The following FSTL5 variants were observed in gnomAD, a reference collection of about 807,000 sequenced individuals.
FSTL5 encodes the protein follistatin like 5.
FSTL5 carries 62 observed loss-of-function variants against 89.1 expected under a neutral mutation model. The observed-to-expected ratio is 0.70, with a 90% CI of 0.57 to 0.86. FSTL5 has a LOEUF of 0.86. Among genes scored for constraint, FSTL5 ranks in the 40% least tolerant of loss-of-function variants. The pLI is 0.00. For synonymous variants in FSTL5, 383 were observed against 346.2 expected, an observed-to-expected ratio of 1.11 and a Z score of -1.18; for missense variants, 1,057 against 1,001.6, an observed-to-expected ratio of 1.06 and a Z score of -0.75.
intron 15 of FSTL5, among the ~76,000 whole-genome samples, chr4:161,415,705 G>A (rs768123299): frequency 6.8e-6 from 1 of 147,502 alleles, no homozygotes; most frequent in South Asian, 2.1e-4. Context: ...GAGAGAGAGA[G>A]AACATATATA....
chr4:161,687,397 T>C (rs962398483), intron 6 of FSTL5, among the ~76,000 whole-genome samples: 3 of 152,238 alleles, frequency 2.0e-5, no homozygotes, highest in Admixed American at 1.3e-4. Flanking sequence ...ATTACCCTTA[T>C]GCATATATTT....
intron 4 of FSTL5, among the ~76,000 whole-genome samples, chr4:161,848,037 A>AG (rs1491102661): frequency 4.1e-5 from 1 of 24,520 alleles, no homozygotes; most frequent in African/African-American, 9.3e-5. Context: ...ACTCCGTCTC[A>AG]AAAAAAAAAA....
At chr4:161,795,423 G>C (rs7682730) in intron 4 of FSTL5, among the ~76,000 whole-genome samples, 1 of 151,994 alleles carries the variant, frequency 6.6e-6, no homozygotes, top group East Asian at 1.9e-4. Context: ...AGGAAGGCCC[G>C]GAAGAACCCT....
At chr4:162,030,559 A>G (rs1737481292) in intron 3 of FSTL5, among the ~76,000 whole-genome samples, 1 of 152,150 alleles carries the variant, frequency 6.6e-6, no homozygotes, top group Non-Finnish European at 1.5e-5. Context: ...AAATTTTGCA[A>G]TAAAAGCAAC....
chr4:162,064,658 A>T (rs918633809), intron 2 of FSTL5, among the ~76,000 whole-genome samples: 2 of 152,016 alleles, frequency 1.3e-5, no homozygotes, highest in African/African-American at 4.8e-5. Flanking sequence ...TGCCAACAAC[A>T]GATCTTAGGG....
chr4:161,854,518 G>A (rs926365595), intron 4 of FSTL5, among the ~76,000 whole-genome samples: 11 of 152,132 alleles, frequency 7.2e-5, no homozygotes, highest in South Asian at 2.1e-4. Flanking sequence ...CAAAAGATGC[G>A]TTATTACATA....
chr4:161,875,127 T>C (rs1732401094), intron 4 of FSTL5, among the ~76,000 whole-genome samples: 1 of 152,184 alleles, frequency 6.6e-6, no homozygotes, highest in Admixed American at 6.5e-5. Context: ...TCAGATTCTC[T>C]TGTTTTAGTA....
At chr4:161,879,920 C>G (rs1560896387) in intron 4 of FSTL5, among the ~76,000 whole-genome samples, 1 of 152,182 alleles carries the variant, frequency 6.6e-6, no homozygotes. Context: ...ATGGGAGCAA[C>G]AGAATTTTTT....
At chr4:161,626,430 C>G (rs553146322) in intron 7 of FSTL5, among the ~76,000 whole-genome samples, 1 of 152,108 alleles carries the variant, frequency 6.6e-6, no homozygotes, top group South Asian at 2.1e-4. Context: ...CTGTTTAAAG[C>G]ATGGCTTACT....
chr4:161,512,235 T>C (rs1730675436), intron 10 of FSTL5, among the ~76,000 whole-genome samples: 1 of 152,070 alleles, frequency 6.6e-6, no homozygotes, highest in African/African-American at 2.4e-5. Context: ...TCCTTATATC[T>C]CCACCCACTT....
intron 6 of FSTL5, among the ~76,000 whole-genome samples, chr4:161,750,890 T>G (rs1250394008): frequency 6.6e-6 from 1 of 152,192 alleles, no homozygotes; most frequent in Non-Finnish European, 1.5e-5. Context: ...GATTGGTCAA[T>G]TCTCATTTTA....
At chr4:162,070,664 TA>T (rs765194387) in intron 2 of FSTL5, among the ~76,000 whole-genome samples, 5 of 151,692 alleles carry the variant, frequency 3.3e-5, no homozygotes, top group Non-Finnish European at 5.9e-5. Context: ...TGCCTGAAAA[TA>T]CAAATATAAG....
chr4:162,025,374 G>A (rs907440909), intron 3 of FSTL5, among the ~76,000 whole-genome samples: 2 of 152,080 alleles, frequency 1.3e-5, no homozygotes, highest in Non-Finnish European at 2.9e-5. Flanking sequence ...ACTCAAAAGG[G>A]TTATAGTTAA....
At chr4:161,563,146 A>T (rs979497056) in intron 8 of FSTL5, among the ~76,000 whole-genome samples, 1 of 151,938 alleles carries the variant, frequency 6.6e-6, no homozygotes, top group Admixed American at 6.6e-5. Context: ...GACTCACCCT[A>T]ACTGGAAACA....
chr4:162,158,775 T>C (rs1193591776), intron 1 of FSTL5, among the ~76,000 whole-genome samples: 2 of 152,116 alleles, frequency 1.3e-5, no homozygotes, highest in African/African-American at 4.8e-5. Flanking sequence ...GTTTATGGCC[T>C]GATATCAATA....
intron 6 of FSTL5, among the ~76,000 whole-genome samples, chr4:161,666,527 G>C (rs1198821554): frequency 6.6e-6 from 1 of 152,158 alleles, no homozygotes; most frequent in Admixed American, 6.5e-5. Flanking sequence ...CAAGGACCAA[G>C]TTAGCCATAT....
intron 10 of FSTL5, among the ~76,000 whole-genome samples, chr4:161,525,718 G>A (rs1731197426): frequency 6.6e-6 from 1 of 152,102 alleles, no homozygotes; most frequent in Admixed American, 6.5e-5. Flanking sequence ...AACAGATAAT[G>A]TCAACATGCT....
chr4:161,530,791 A>G (rs1360410468), intron 10 of FSTL5, among the ~76,000 whole-genome samples: 1 of 152,122 alleles, frequency 6.6e-6, no homozygotes, highest in African/African-American at 2.4e-5. Flanking sequence ...TGCAGCCTGT[A>G]GCTTAAAAGC....
At chr4:162,001,427 A>C (rs1429528697) in intron 3 of FSTL5, among the ~76,000 whole-genome samples, 1 of 152,196 alleles carries the variant, frequency 6.6e-6, no homozygotes, top group Non-Finnish European at 1.5e-5. Flanking sequence ...CATGAATTTG[A>C]ATAACAACTT....
Sources: gnomAD v4.1 joint callset for allele counts (sites outside exome capture counted in the v4.1 genomes callset) on GRCh38, gnomAD v4.1.1 for gene constraint, MANE v1.5 for transcripts, NCBI Gene and HGNC (gene_info 2026-07-23, HGNC 2026-07-21) for gene names.